The following LRFN2 variants were observed in gnomAD, a reference collection of about 807,000 sequenced individuals.
LRFN2 encodes leucine rich repeat and fibronectin type III domain containing 2.
Under a neutral mutation model 37.3 loss-of-function variants are expected in LRFN2, and 18 were observed. That is an observed-to-expected ratio of 0.48 (90% CI 0.33 to 0.72). The LOEUF is 0.72. Ranked by LOEUF, LRFN2 falls within the 30% of genes least tolerant of loss-of-function variation. LRFN2 has a pLI of 0.02. For missense variants in LRFN2, 1,006 were observed against 1,060.7 expected, an observed-to-expected ratio of 0.95 and a Z score of 0.72; for synonymous variants, 556 against 466.6, an observed-to-expected ratio of 1.19 and a Z score of -2.47.
chr6:40,410,732 C>T lies in LRFN2; in HGVS notation c.1401-17820G>A, dbSNP rs559016427. Among the ~76,000 whole-genome samples, 6 of 152,314 alleles carry T rather than the reference C, an allele frequency of 3.9e-5. No individual in the cohort carries two copies. In the South Asian group the frequency reaches 8.3e-4, roughly 21 times the overall value. On this transcript the variant is annotated intron_variant, in intron 2 of 2. Coordinates refer to ENST00000338305, the MANE Select transcript of LRFN2 (RefSeq NM_020737.3). ...TTCCACCCACCTCGCAGCAGGACCCCTCCTGGTGGCAGAAGATGAGCCGCC... is the reference window on the plus strand; with the variant it reads ...TTCCACCCACCTCGCAGCAGGACCCTTCCTGGTGGCAGAAGATGAGCCGCC...
chr6:40,462,162 A>G (rs1295959021), intron 1 of LRFN2, among the ~76,000 whole-genome samples: 1 of 152,202 alleles, frequency 6.6e-6, no homozygotes, highest in East Asian at 1.9e-4. Context: ...TTTGCCAATG[A>G]AAAGAAAAAC....
chr6:40,435,052 TAGAGAGAGAG>T (rs1202054790), intron 1 of LRFN2, among the ~76,000 whole-genome samples: 44 of 37,518 alleles, frequency 1.2e-3, no homozygotes, highest in South Asian at 4.0e-3. Context: ...TATATATATA[TAGAGAGAGAG>T]AGAGAGAGAG....
chr6:40,516,121 A>C (rs530770530), intron 1 of LRFN2, among the ~76,000 whole-genome samples: 1 of 152,026 alleles, frequency 6.6e-6, no homozygotes, highest in East Asian at 1.9e-4. Context: ...CCAGCTCCCA[A>C]ATAAATTACT....
intron 1 of LRFN2, among the ~76,000 whole-genome samples, chr6:40,474,733 T>A (rs1396437685): frequency 3.9e-5 from 6 of 152,046 alleles, no homozygotes; most frequent in Non-Finnish European, 8.8e-5. Context: ...CAAGTGATCC[T>A]CCCACCTTGG....
intron 1 of LRFN2, among the ~76,000 whole-genome samples, chr6:40,435,380 G>A (rs557062445): frequency 2.6e-5 from 4 of 151,712 alleles, no homozygotes; most frequent in South Asian, 2.1e-4. Context: ...GGCTGGTCTC[G>A]AACTTCTGGC....
At chr6:40,397,305 C>T (rs1029854508) in intron 2 of LRFN2, among the ~76,000 whole-genome samples, 2 of 152,212 alleles carry the variant, frequency 1.3e-5, no homozygotes, top group African/African-American at 4.8e-5. Context: ...TCTGAACACC[C>T]TCTGCCTTCC....
In LRFN2 at chr6:40,484,580, T is replaced by C. The variant is rs74894230; in HGVS notation, c.-18-51449A>G. On this transcript the variant is annotated intron_variant, in intron 1 of 2. Coordinates refer to ENST00000338305, the MANE Select transcript of LRFN2 (RefSeq NM_020737.3). ...CTGGACTCTGATCCCGCTAAGAGTA[T>C]ACTTGGAGGGGCAGGGGTCTTGGCT... 3.9e-3 allele frequency among the ~76,000 whole-genome samples: 601 copies of C among 152,282 alleles called. 11 individuals are homozygous for C. Among genetic ancestry groups the C allele is most frequent in the East Asian group, 0.036 (188 of 5,172 alleles).
At chr6:40,568,135 T>C (rs1767122640) in intron 1 of LRFN2, among the ~76,000 whole-genome samples, 1 of 152,236 alleles carries the variant, frequency 6.6e-6, no homozygotes, top group South Asian at 2.1e-4. Flanking sequence ...CTACTGACTG[T>C]CTTCCTCCTA....
At chr6:40,548,740 G>T (rs905090961) in intron 1 of LRFN2, among the ~76,000 whole-genome samples, 24 of 152,156 alleles carry the variant, frequency 1.6e-4, no homozygotes, top group African/African-American at 5.8e-4. Flanking sequence ...AGACTGTTGG[G>T]AGAATGTATT....
At chr6:40,404,395 A>T (rs1261391149) in intron 2 of LRFN2, among the ~76,000 whole-genome samples, 3 of 152,242 alleles carry the variant, frequency 2.0e-5, no homozygotes, top group African/African-American at 7.2e-5. Flanking sequence ...TTGAACTTGC[A>T]AATGAAATGA....
chr6:40,429,731 G>A (rs1763435538), intron 2 of LRFN2, among the ~76,000 whole-genome samples: 1 of 151,982 alleles, frequency 6.6e-6, no homozygotes, highest in Non-Finnish European at 1.5e-5. Context: ...ATATATTTAT[G>A]GGCAAAAATA....
intron 1 of LRFN2, among the ~76,000 whole-genome samples, chr6:40,573,157 A>G (rs1444282067): frequency 6.6e-6 from 1 of 152,198 alleles, no homozygotes; most frequent in African/African-American, 2.4e-5. Context: ...GTGTGACCTT[A>G]GCTTAGGAAT....
intron 1 of LRFN2, among the ~76,000 whole-genome samples, chr6:40,546,944 T>A (rs1434732807): frequency 6.6e-6 from 1 of 152,194 alleles, no homozygotes; most frequent in African/African-American, 2.4e-5. Flanking sequence ...ATTTGTCAAA[T>A]GAGACAAAAT....
chr6:40,466,724 C>T (rs1459769846), intron 1 of LRFN2, among the ~76,000 whole-genome samples: 1 of 152,094 alleles, frequency 6.6e-6, no homozygotes, highest in East Asian at 1.9e-4. Flanking sequence ...AATTTTTTAG[C>T]CGTAAAATGA....
At chr6:40,574,539 C>A (rs1170553575) in intron 1 of LRFN2, among the ~76,000 whole-genome samples, 1 of 152,178 alleles carries the variant, frequency 6.6e-6, no homozygotes, top group African/African-American at 2.4e-5. Flanking sequence ...GCGGGGAGTG[C>A]TGGATGATTC....
chr6:40,418,977 C>T (rs1443491997), intron 2 of LRFN2, among the ~76,000 whole-genome samples: 3 of 152,130 alleles, frequency 2.0e-5, no homozygotes, highest in Non-Finnish European at 2.9e-5. Context: ...ATCAGCATCC[C>T]GGAGAGAATG....
At chr6:40,401,676 T>G (rs1021241716) in intron 2 of LRFN2, among the ~76,000 whole-genome samples, 1 of 152,150 alleles carries the variant, frequency 6.6e-6, no homozygotes, top group Non-Finnish European at 1.5e-5. Flanking sequence ...ACAGGGTGAA[T>G]GTGTGTTTGT....
chr6:40,477,545 C>A (rs1764736246), intron 1 of LRFN2, among the ~76,000 whole-genome samples: 1 of 152,184 alleles, frequency 6.6e-6, no homozygotes, highest in Admixed American at 6.5e-5. Flanking sequence ...TGGGCTGGGG[C>A]AGGGGTCAAA....
Position 40,577,107 on chromosome 6 carries a change from TC to T in LRFN2, c.-19+9833del, listed in dbSNP as rs112065985. Among the ~76,000 whole-genome samples, 2 of 42,770 alleles carry T rather than the reference TC, an allele frequency of 4.7e-5. 1 individual carries two copies. The highest frequency in any genetic ancestry group is 3.4e-4 in the Admixed American group (2 of 5,898). 28.1% of individuals were successfully genotyped at this position (42,770 alleles called of 152,430 possible). A position where few individuals can be genotyped will look rare whatever the true frequency, so the allele number is the denominator to read the frequency against. On this transcript the variant is annotated intron_variant, in intron 1 of 2. Transcript: ENST00000338305. ...TCTTTTCTTTTCTTTTCTTTTCCTT[TC>T]TTTTCTTTTTAGATATGGAGTCTCG...
Sources: allele counts gnomAD v4.1 joint callset (sites outside exome capture counted in the v4.1 genomes callset), GRCh38; gene constraint gnomAD v4.1.1; transcripts MANE v1.5; gene names NCBI Gene and HGNC (gene_info 2026-07-23, HGNC 2026-07-21).